CNTN4: variants seen among roughly 807,000 people sequenced by gnomAD.
CNTN4 encodes contactin-4.
CNTN4 carries 77 observed loss-of-function variants against 122.5 expected under a neutral mutation model. The observed-to-expected ratio is 0.63, with a 90% CI of 0.52 to 0.76. CNTN4 has a LOEUF of 0.76. CNTN4 is among the 30% of genes least tolerant of loss of function. The pLI, the probability that CNTN4 is intolerant of heterozygous loss-of-function variation, is 0.00. For synonymous variants in CNTN4, 512 were observed against 447.0 expected (o/e 1.15, Z -1.83); for missense variants, 1,256 against 1,259.1 (o/e 1.00, Z 0.04).
chr3:2,186,220 G>A (rs1187143455), intron 2 of CNTN4, among the ~76,000 whole-genome samples: 1 of 151,998 alleles, frequency 6.6e-6, no homozygotes, highest in Admixed American at 6.6e-5. Context: ...TGAGAATGAT[G>A]GTTTCCAGCT....
intron 3 of CNTN4, among the ~76,000 whole-genome samples, chr3:2,485,824 C>G (rs146707699): frequency 4.6e-5 from 7 of 152,056 alleles, no homozygotes; most frequent in Non-Finnish European, 7.4e-5. Context: ...GGATTATAAA[C>G]GCACCAGTCA....
At chr3:2,929,833 G>A (rs77617272) in intron 13 of CNTN4, among the ~76,000 whole-genome samples, 1,562 of 152,316 alleles carry the variant, frequency 0.01, 27 homozygotes, top group African/African-American at 0.035. Flanking sequence ...CTGAGAATGG[G>A]ACAGGGGTTT....
intron 2 of CNTN4, among the ~76,000 whole-genome samples, chr3:2,334,704 T>G (rs2043874083): frequency 6.6e-6 from 1 of 152,174 alleles, no homozygotes; most frequent in Non-Finnish European, 1.5e-5. Context: ...CATACACATT[T>G]GTTGTTAGAC....
chr3:2,285,428 AAAC>A (rs1176203729), intron 2 of CNTN4, among the ~76,000 whole-genome samples: 14 of 152,096 alleles, frequency 9.2e-5, no homozygotes, highest in African/African-American at 3.4e-4. Flanking sequence ...TGTGAAAAGG[AAAC>A]ACTTAAGATT....
intron 3 of CNTN4, among the ~76,000 whole-genome samples, chr3:2,359,273 A>T (rs1467505336): frequency 6.6e-6 from 1 of 151,838 alleles, no homozygotes; most frequent in African/African-American, 2.4e-5. Flanking sequence ...TTCTGATTGG[A>T]GAGAACCGCA....
intron 16 of CNTN4, among the ~76,000 whole-genome samples, 179 bp downstream of exon 16, chr3:3,031,154 C>T (rs746948041): frequency 3.3e-5 from 5 of 152,136 alleles, no homozygotes; most frequent in South Asian, 2.1e-4. Context: ...TTCCTCAGTG[C>T]GGCTTGTCAG....
At chr3:3,032,985 G>T (rs1362706464) in intron 16 of CNTN4, among the ~76,000 whole-genome samples, 2 of 152,172 alleles carry the variant, frequency 1.3e-5, no homozygotes, top group African/African-American at 4.8e-5. Flanking sequence ...CTTCTCTCCA[G>T]TGTCCAAACT....
At chr3:2,705,798 G>A (rs1434644348) in intron 4 of CNTN4, among the ~76,000 whole-genome samples, 55 of 87,812 alleles carry the variant, frequency 6.3e-4, no homozygotes, top group African/African-American at 2.8e-3. Flanking sequence ...ATATATATTT[G>A]TTATATATAA....
chr3:2,116,058 G>A (rs2033329846), intron 2 of CNTN4, among the ~76,000 whole-genome samples: 1 of 152,114 alleles, frequency 6.6e-6, no homozygotes, highest in Non-Finnish European at 1.5e-5. Context: ...CTTGGGCCTG[G>A]CACTCATCAT....
At chr3:2,177,656 TTGTGTG>T (rs60145608) in intron 2 of CNTN4, among the ~76,000 whole-genome samples, 5,488 of 147,506 alleles carry the variant, frequency 0.037, 138 homozygotes, top group African/African-American at 0.07. Flanking sequence ...GTGTGTGTGT[TTGTGTG>T]TGTGTGTGTG....
intron 8 of CNTN4, among the ~76,000 whole-genome samples, chr3:2,871,642 C>A (rs2150883099): frequency 6.6e-6 from 1 of 152,182 alleles, no homozygotes; most frequent in East Asian, 1.9e-4. Context: ...AACAAGGGAA[C>A]TGAAGATCAG....
rs1466981289 is a variant in CNTN4 at position 2,988,458 on chromosome 3, A to G, written c.1472A>G (p.Asn491Ser). 1.2e-6 allele frequency: 2 copies of G among 1,613,792 alleles called. No homozygotes were observed. Among genetic ancestry groups the G allele is most frequent in the South Asian group, 2.2e-5 (2 of 91,072 alleles). ...TTTGGAACTGCTAGCAGTACTGGAA[A>G]CTTGGTAGTGAAAGGTAATGGCTAA... ...NHFGTASSTGNLVVKDPTRVM... is the reference protein window; with the variant it reads ...NHFGTASSTGSLVVKDPTRVM... The change falls in exon 14 of 25, where the codon AAC becomes AGC. Residue 491 changes from asparagine (N) to serine (S), a missense_variant. By Grantham distance (46) the Asn-to-Ser change is conservative. Transcript: ENST00000418658.
At chr3:2,378,380 T>C (rs1271310087) in intron 3 of CNTN4, among the ~76,000 whole-genome samples, 1 of 152,172 alleles carries the variant, frequency 6.6e-6, no homozygotes, top group Non-Finnish European at 1.5e-5. Context: ...CTGGCTGTGC[T>C]ATACCTTATT....
At chr3:2,554,401 G>A (rs538402908) in intron 3 of CNTN4, among the ~76,000 whole-genome samples, 1 of 152,052 alleles carries the variant, frequency 6.6e-6, no homozygotes, top group South Asian at 2.1e-4. Flanking sequence ...AGTACCACTG[G>A]TCAGCTCAGT....
In CNTN4 at chr3:2,160,313, CA is replaced by C. The variant is rs2035903840; in HGVS notation, c.-145+59676del. On this transcript the variant is annotated intron_variant, in intron 2 of 24. Transcript: ENST00000418658. The stretch of plus-strand genomic sequence containing the variant: ...AACTAAATAGGAGAGGTCTCTTGGC[CA>C]AGGTCAAACATAAGCTGGTGGCAAA... 1.5e-4 allele frequency among the ~76,000 whole-genome samples: 23 copies of C among 152,120 alleles called. No homozygotes were observed. In the South Asian group the frequency reaches 4.8e-3, roughly 32 times the overall value.
chr3:2,193,692 C>G (rs182710201), intron 2 of CNTN4, among the ~76,000 whole-genome samples: 122 of 152,256 alleles, frequency 8.0e-4, no homozygotes, highest in African/African-American at 2.9e-3. Context: ...ATATGCATGA[C>G]TATGGCCCCA....
At position 2,693,598 on chromosome 3, in the gene CNTN4, T is replaced by A. The variant is rs80163454; in HGVS notation, c.56-42617T>A. Among the ~76,000 whole-genome samples, 758 of 152,168 alleles carry A rather than the reference T, an allele frequency of 5.0e-3. 2 individuals carry two copies. The highest frequency in any genetic ancestry group is 0.017 in the African/African-American group (698 of 41,504). On this transcript the variant is annotated intron_variant, in intron 4 of 24. Coordinates refer to ENST00000418658, the MANE Select transcript of CNTN4 (RefSeq NM_175607.3). ...TCCATCTGGACTCTCAGGAAAGGGT[T>A]TTGGAGGAGAAGTCAGCTTTAGTCT...
At chr3:2,252,322 C>T (rs2040409672) in intron 2 of CNTN4, among the ~76,000 whole-genome samples, 1 of 151,866 alleles carries the variant, frequency 6.6e-6, no homozygotes, top group Non-Finnish European at 1.5e-5. Context: ...GTTTTTAAAT[C>T]ACCTTTATTA....
At chr3:2,296,853 C>G (rs1209610008) in intron 2 of CNTN4, among the ~76,000 whole-genome samples, 5 of 149,484 alleles carry the variant, frequency 3.3e-5, no homozygotes, top group African/African-American at 1.2e-4. Flanking sequence ...TAACAGAAAA[C>G]TCACCTTTCA....
Sources: gnomAD v4.1 joint callset for allele counts (sites outside exome capture counted in the v4.1 genomes callset) on GRCh38, gnomAD v4.1.1 for gene constraint, MANE v1.5 for transcripts, NCBI Gene and HGNC (gene_info 2026-07-23, HGNC 2026-07-21) for gene names.